Variants in SLC4A10 observed in about 807,000 individuals in gnomAD.
The protein encoded by SLC4A10 is solute carrier family 4 member 10, also known as sodium-driven chloride bicarbonate exchanger.
SLC4A10 carries 42 observed loss-of-function variants against 137.7 expected under a neutral mutation model. The ratio of observed to expected loss-of-function variants is 0.30; its 90% CI spans 0.24 to 0.39. The LOEUF (loss-of-function observed/expected upper bound fraction) is 0.39. SLC4A10 is among the 10% of genes least tolerant of loss of function. The pLI is 1.00. For missense variants in SLC4A10, 925 were observed against 1,355.0 expected (o/e 0.68, Z 4.98); for synonymous variants, 474 against 464.1 (o/e 1.02, Z -0.27).
At chr2:161,802,436 C>T (rs1048150641) in intron 2 of SLC4A10, among the ~76,000 whole-genome samples, 5 of 152,024 alleles carry the variant, frequency 3.3e-5, no homozygotes, top group African/African-American at 9.7e-5. Flanking sequence ...AATATATCCA[C>T]TAAAGTAGGC....
intron 1 of SLC4A10, among the ~76,000 whole-genome samples, chr2:161,769,139 C>T (rs1367604000): frequency 6.6e-6 from 1 of 151,816 alleles, no homozygotes; most frequent in Non-Finnish European, 1.5e-5. Flanking sequence ...TTGTTTTAGC[C>T]GACTAACCAA....
chr2:161,921,813 A>G (rs1007493974), intron 15 of SLC4A10, among the ~76,000 whole-genome samples: 2 of 152,246 alleles, frequency 1.3e-5, no homozygotes, highest in Admixed American at 6.5e-5. Context: ...ACTTTCTGAC[A>G]TATTAAAGTA....
intron 2 of SLC4A10, among the ~76,000 whole-genome samples, chr2:161,789,652 G>C (rs1221475672): frequency 2.0e-5 from 3 of 152,052 alleles, no homozygotes; most frequent in African/African-American, 4.8e-5. Flanking sequence ...TTTTATATGC[G>C]ATCCATCATT....
At chr2:161,721,910 G>T (rs1441848212) in intron 1 of SLC4A10, among the ~76,000 whole-genome samples, 1 of 151,876 alleles carries the variant, frequency 6.6e-6, no homozygotes, top group African/African-American at 2.4e-5. Flanking sequence ...CTCTAATCTT[G>T]TCGCCTGTCT....
intron 15 of SLC4A10, among the ~76,000 whole-genome samples, chr2:161,922,792 C>G (rs1395185113): frequency 6.6e-6 from 1 of 152,138 alleles, no homozygotes; most frequent in East Asian, 1.9e-4. Context: ...AAAGAATAAT[C>G]ATAAAAACAC....
intron 15 of SLC4A10, among the ~76,000 whole-genome samples, chr2:161,940,527 T>C (rs577617815): frequency 1.1e-4 from 17 of 152,298 alleles, no homozygotes; most frequent in African/African-American, 3.6e-4. Flanking sequence ...AGAAACACAA[T>C]GCTGTCCCCA....
At chr2:161,845,232 T>C (rs2059419007) in intron 4 of SLC4A10, among the ~76,000 whole-genome samples, 2 of 152,166 alleles carry the variant, frequency 1.3e-5, no homozygotes, top group Non-Finnish European at 2.9e-5. Flanking sequence ...GATATAGTTA[T>C]GTATTTATGT....
Position 161,644,068 on chromosome 2 carries a change from C to CTTT in SLC4A10, c.48+19514_48+19516dup, listed in dbSNP as rs5835873. 3.3e-4 allele frequency among the ~76,000 whole-genome samples: 47 copies of CTTT among 143,702 alleles called. 1 individual carries two copies. Among genetic ancestry groups the CTTT allele is most frequent in the Non-Finnish European group, 3.3e-4 (22 of 66,068 alleles). 94.3% of individuals were successfully genotyped at this position (143,702 alleles called of 152,430 possible). On this transcript the variant is annotated intron_variant, in intron 1 of 26. Coordinates refer to ENST00000446997, the MANE Select transcript of SLC4A10 (RefSeq NM_001178015.2). ...CACTTCTTTCCTTCTGGCTTCTAATCTTTTTTTTTTTTTTCTTTTTCTTAA... is the reference window on the plus strand; with the variant it reads ...CACTTCTTTCCTTCTGGCTTCTAATCTTTTTTTTTTTTTTTTTCTTTTTCTTAA...
chr2:161,661,790 A>C (rs1667138089), intron 1 of SLC4A10, among the ~76,000 whole-genome samples: 1 of 152,204 alleles, frequency 6.6e-6, no homozygotes, highest in Non-Finnish European at 1.5e-5. Flanking sequence ...TATTTGTACA[A>C]TCTTAGTAGG....
At chr2:161,952,071 A>G (rs1559613394) in intron 19 of SLC4A10, among the ~76,000 whole-genome samples, 1 of 152,142 alleles carries the variant, frequency 6.6e-6, no homozygotes, top group Non-Finnish European at 1.5e-5. Flanking sequence ...TTTCAAAAAG[A>G]TTTTTTTAGC....
In SLC4A10 at chr2:161,686,672, A is replaced by G. The variant is rs1222864357; in HGVS notation, c.48+62106A>G. On this transcript the variant is annotated intron_variant, in intron 1 of 26. Coordinates refer to ENST00000446997, the MANE Select transcript of SLC4A10 (RefSeq NM_001178015.2). Reference sequence around the variant, plus strand: ...TTAGAAATCATAATGGTTAATTAATATGTATGCCTTTATAATAATAGATTG... The same window carrying G: ...TTAGAAATCATAATGGTTAATTAATGTGTATGCCTTTATAATAATAGATTG... Among the ~76,000 whole-genome samples, 8 of 152,300 alleles carry G rather than the reference A, an allele frequency of 5.3e-5. No homozygotes were observed. The East Asian group carries it at 1.5e-3, about 29-fold the overall frequency.
intron 1 of SLC4A10, chr2:161,708,902 A>C: frequency 7.0e-7 from 1 of 1,426,092 alleles, no homozygotes. Context: ...TACTCATTGA[A>C]AATATATTCA....
At chr2:161,628,800 G>T (rs1360671803) in intron 1 of SLC4A10, among the ~76,000 whole-genome samples, 1 of 152,004 alleles carries the variant, frequency 6.6e-6, no homozygotes, top group African/African-American at 2.4e-5. Flanking sequence ...TTGGGAATGA[G>T]TGGTAGAATC....
chr2:161,730,065 A>G (rs906839518), intron 1 of SLC4A10, among the ~76,000 whole-genome samples: 2 of 152,208 alleles, frequency 1.3e-5, no homozygotes, highest in African/African-American at 4.8e-5. Context: ...AAGAGTGAAA[A>G]GAGCATTTTA....
intron 1 of SLC4A10, among the ~76,000 whole-genome samples, chr2:161,751,301 T>C (rs59045400): frequency 0.044 from 6,611 of 151,568 alleles, 469 homozygotes; most frequent in African/African-American, 0.14. Flanking sequence ...TTTCTGTTTG[T>C]CTTGAGGTTC....
chr2:161,712,789 C>T (rs2044433360), intron 1 of SLC4A10, among the ~76,000 whole-genome samples: 2 of 151,870 alleles, frequency 1.3e-5, no homozygotes, highest in South Asian at 4.1e-4. Context: ...AATTTCACTT[C>T]TCTTCTCTGA....
intron 1 of SLC4A10, among the ~76,000 whole-genome samples, chr2:161,707,190 C>G (rs754616545): frequency 6.6e-6 from 1 of 151,450 alleles, no homozygotes; most frequent in African/African-American, 2.4e-5. Flanking sequence ...AGTATACATA[C>G]AGCAGAATAC....
intron 23 of SLC4A10, 66 bp from the exon 24 acceptor site, chr2:161,974,183 T>C (rs1290695122): frequency 1.5e-5 from 20 of 1,318,472 alleles, no homozygotes; most frequent in Non-Finnish European, 2.1e-5. Context: ...TAATCTGTGT[T>C]TCTTCTTTAA....
chr2:161,932,841 C>T (rs1690657132), intron 15 of SLC4A10, among the ~76,000 whole-genome samples: 1 of 152,118 alleles, frequency 6.6e-6, no homozygotes, highest in Non-Finnish European at 1.5e-5. Context: ...GTTGGAGCTA[C>T]AGTTGCTCTA....
Sources: gnomAD v4.1 joint callset for allele counts (sites outside exome capture counted in the v4.1 genomes callset) on GRCh38, gnomAD v4.1.1 for gene constraint, MANE v1.5 for transcripts, NCBI Gene and HGNC (gene_info 2026-07-23, HGNC 2026-07-21) for gene names.